The following PTPN14 variants were observed in gnomAD, a reference collection of about 807,000 sequenced individuals.
The protein encoded by PTPN14 is tyrosine-protein phosphatase non-receptor type 14.
In PTPN14, 53 loss-of-function variants were observed where a neutral mutation model predicts 126.8. The observed-to-expected ratio is 0.42, with a 90% CI of 0.34 to 0.53. The LOEUF (loss-of-function observed/expected upper bound fraction) is 0.53, where lower values mean the gene tolerates loss of function less well. Ranked by LOEUF, PTPN14 falls within the 20% of genes least tolerant of loss-of-function variation. PTPN14 has a pLI of 0.08. For synonymous variants in PTPN14, 630 were observed against 599.3 expected (o/e 1.05, Z -0.75); for missense variants, 1,257 against 1,552.9 (o/e 0.81, Z 3.20).
intron 2 of PTPN14, among the ~76,000 whole-genome samples, chr1:214,464,379 C>T (rs1660579790): frequency 6.6e-6 from 1 of 152,176 alleles, no homozygotes; most frequent in African/African-American, 2.4e-5. Context: ...CCCAAAACCT[C>T]TTCCCCAGCT....
chr1:214,376,889 G>T (rs1282178750), intron 14 of PTPN14, among the ~76,000 whole-genome samples: 1 of 152,104 alleles, frequency 6.6e-6, no homozygotes, highest in East Asian at 1.9e-4. Context: ...TATTAATTGG[G>T]TTAAATGATT....
chr1:214,403,836 G>C (rs1229064923), intron 5 of PTPN14, among the ~76,000 whole-genome samples: 1 of 152,212 alleles, frequency 6.6e-6, no homozygotes, highest in African/African-American at 2.4e-5. Flanking sequence ...CAAGCCCCAA[G>C]CCAGCTGCCT....
chr1:214,454,735 C>T (rs1431387129), intron 2 of PTPN14, among the ~76,000 whole-genome samples: 2 of 152,194 alleles, frequency 1.3e-5, no homozygotes, highest in Non-Finnish European at 2.9e-5. Context: ...TTTATCACTG[C>T]TGTTGTACAG....
intron 1 of PTPN14, among the ~76,000 whole-genome samples, chr1:214,465,951 C>CTTTTTTTGTTTTTTTTTTTTT (rs1660625573): frequency 1.7e-5 from 1 of 59,022 alleles, no homozygotes; most frequent in Non-Finnish European, 2.9e-5. Context: ...CAGTTACTTC[C>CTTTTTTTGTTTTTTTTTTTTT]TTTTTTTTTT....
intron 5 of PTPN14, among the ~76,000 whole-genome samples, chr1:214,404,610 C>T (rs1041960124): frequency 6.6e-6 from 1 of 152,130 alleles, no homozygotes; most frequent in Non-Finnish European, 1.5e-5. Context: ...AAAGGTACCC[C>T]CTCTGCTATT....
At chr1:214,497,914 G>A (rs574733027) in intron 1 of PTPN14, among the ~76,000 whole-genome samples, 3 of 151,494 alleles carry the variant, frequency 2.0e-5, no homozygotes, top group Non-Finnish European at 4.4e-5. Flanking sequence ...AAACACACAC[G>A]AGAGAGAGAG....
chr1:214,367,825 T>C (rs975038830), intron 17 of PTPN14, among the ~76,000 whole-genome samples: 4 of 152,218 alleles, frequency 2.6e-5, no homozygotes, highest in African/African-American at 9.6e-5. Flanking sequence ...GTCTTTCCCA[T>C]TAGGCTCTGA....
intron 1 of PTPN14, among the ~76,000 whole-genome samples, chr1:214,533,645 C>A (rs1655618681): frequency 6.6e-6 from 1 of 151,610 alleles, no homozygotes; most frequent in African/African-American, 2.4e-5. Context: ...TCCTGGCTAA[C>A]ACGGTGAAAC....
Position 214,412,309 on chromosome 1 carries a change from T to C in PTPN14, c.443-558A>G, listed in dbSNP as rs60222293. Among the ~76,000 whole-genome samples the C allele has an allele frequency of 9.1e-3, 1,389 of 152,334 alleles. 23 individuals carry two copies. Among genetic ancestry groups the C allele is most frequent in the African/African-American group, 0.031 (1,307 of 41,576 alleles). On this transcript the variant is annotated intron_variant, in intron 4 of 18. Coordinates refer to ENST00000366956, the MANE Select transcript of PTPN14 (RefSeq NM_005401.5). ...GTTTGAGCACATGCAAAATGAAATA[T>C]ATAAAGTCTTGCTTCTTATCTTGCT...
intron 1 of PTPN14, chr1:214,533,180 T>G: frequency 1.3e-6 from 1 of 747,460 alleles, no homozygotes; most frequent in South Asian, 1.5e-5. Flanking sequence ...ACCCTGCAGA[T>G]GGAGCAGCTC....
At chr1:214,440,845 A>AACT (rs1379431101) in intron 3 of PTPN14, among the ~76,000 whole-genome samples, 10 of 152,356 alleles carry the variant, frequency 6.6e-5, no homozygotes, top group South Asian at 2.1e-4. Context: ...AACTAGGCCC[A>AACT]GTTAGACAGC....
intron 1 of PTPN14, among the ~76,000 whole-genome samples, chr1:214,467,249 TG>T (rs1660661155): frequency 6.8e-6 from 1 of 147,064 alleles, no homozygotes; most frequent in African/African-American, 2.5e-5. Context: ...TTACTACTCA[TG>T]AATTCCCCTC....
intron 3 of PTPN14, 64 bp downstream of exon 3, chr1:214,451,741 T>C: frequency 3.9e-6 from 6 of 1,555,156 alleles, no homozygotes; most frequent in Non-Finnish European, 5.3e-6. Flanking sequence ...GCTCATCTAC[T>C]TCATTGGAAG....
chr1:214,540,855 A>C (rs562684480), intron 1 of PTPN14, among the ~76,000 whole-genome samples: 2 of 152,352 alleles, frequency 1.3e-5, no homozygotes, highest in African/African-American at 4.8e-5. Flanking sequence ...AGATTTACAA[A>C]CAAAATTTCA....
At chr1:214,378,980 T>C (rs888639996) in intron 13 of PTPN14, among the ~76,000 whole-genome samples, 3 of 152,190 alleles carry the variant, frequency 2.0e-5, no homozygotes, top group Non-Finnish European at 2.9e-5. Context: ...TGAAATTGGA[T>C]TGGGCAGGGC....
chr1:214,376,082 G>A, intron 15 of PTPN14, 137 bp downstream of exon 15: 2 of 745,998 alleles, frequency 2.7e-6, no homozygotes, highest in East Asian at 2.7e-5. Context: ...GAAAAGCACA[G>A]GAGTTCAAAA....
chr1:214,522,619 C>A (rs1051052242), intron 1 of PTPN14, among the ~76,000 whole-genome samples: 1 of 152,168 alleles, frequency 6.6e-6, no homozygotes, highest in Non-Finnish European at 1.5e-5. Context: ...AAACAGTTAA[C>A]ATTCATTGAG....
Position 214,357,838 on chromosome 1 carries a change from T to G in PTPN14, c.*84A>C, listed in dbSNP as rs1657859074. The G allele has an allele frequency of 7.0e-6, 9 of 1,280,580 alleles. No homozygotes were observed. The highest frequency in any genetic ancestry group is 1.5e-5 in the African/African-American group (1 of 68,510). 79.3% of individuals were successfully genotyped at this position (1,280,580 alleles called of 1,614,324 possible). A position where few individuals can be genotyped will look rare whatever the true frequency, so the allele number is the denominator to read the frequency against. ...TTGCTGCCAGCCACCTGCACCCCTG[T>G]GGGGGGAGCAGATGTTGTCTGGAGG... On this transcript the variant is annotated 3_prime_UTR_variant, in exon 19 of 19. Coordinates refer to ENST00000366956, the MANE Select transcript of PTPN14 (RefSeq NM_005401.5).
intron 1 of PTPN14, among the ~76,000 whole-genome samples, chr1:214,501,109 G>A (rs1183078813): frequency 3.3e-5 from 5 of 152,094 alleles, no homozygotes; most frequent in Admixed American, 2.6e-4. Flanking sequence ...GATAAATAGC[G>A]CAATTCGTCT....
Sources: allele counts gnomAD v4.1 joint callset (sites outside exome capture counted in the v4.1 genomes callset), GRCh38; gene constraint gnomAD v4.1.1; transcripts MANE v1.5; gene names NCBI Gene and HGNC (gene_info 2026-07-23, HGNC 2026-07-21).